Variants in LINGO2 observed in about 807,000 individuals in gnomAD.
The protein encoded by LINGO2 is leucine-rich repeat and immunoglobulin-like domain-containing nogo receptor-interacting protein 2.
A neutral mutation model predicts 30.6 loss-of-function variants in LINGO2; 14 were observed. That is an observed-to-expected ratio of 0.46 (90% CI 0.30 to 0.72). LINGO2 has a LOEUF of 0.72. Ranked by LOEUF, LINGO2 falls within the 30% of genes least tolerant of loss-of-function variation. The pLI is 0.07. For missense variants in LINGO2, 729 were observed against 751.7 expected (o/e 0.97, Z 0.35); for synonymous variants, 317 against 288.5 (o/e 1.10, Z -1.00).
chr9:29,021,512 C>T, the LINGO2 span, among the ~76,000 whole-genome samples: 559 of 152,032 alleles, frequency 3.7e-3, 2 homozygotes, highest in African/African-American at 0.013. Flanking sequence ...AAAAAAATGG[C>T]CAGACGTGGT....
chr9:29,036,860 A>C, the LINGO2 span, among the ~76,000 whole-genome samples: 1 of 152,042 alleles, frequency 6.6e-6, no homozygotes, highest in Non-Finnish European at 1.5e-5. Context: ...ATGAAACAAT[A>C]AAGGCTCATT....
chr9:29,074,912 G>C, the LINGO2 span, among the ~76,000 whole-genome samples: 39 of 151,590 alleles, frequency 2.6e-4, no homozygotes, highest in African/African-American at 8.9e-4. Flanking sequence ...TCCTGACCTC[G>C]TGATCCGCCC....
At chr9:28,769,502 ATATATATATATATATATTTTTT>A in the LINGO2 span, among the ~76,000 whole-genome samples, 1 of 4,590 alleles carries the variant, frequency 2.2e-4, no homozygotes, top group Admixed American at 2.3e-3. Context: ...ATATATATAT[ATATATATATATATATATTTTTT>A]TTTTTTTTTT....
chr9:29,105,822 A>G, the LINGO2 span, among the ~76,000 whole-genome samples: 36,220 of 152,086 alleles, frequency 0.24, 4,458 homozygotes, highest in East Asian at 0.41. Flanking sequence ...TCTAGGATCT[A>G]AGAGTGGTCC....
chr9:28,035,075 A>ACTGATG (rs1418900593), intron 4 of LINGO2, among the ~76,000 whole-genome samples: 1 of 152,222 alleles, frequency 6.6e-6, no homozygotes, highest in Non-Finnish European at 1.5e-5. Context: ...GGATATTCAA[A>ACTGATG]TACTTTCTAA....
chr9:28,571,761 T>C (rs1221129066), intron 1 of LINGO2, among the ~76,000 whole-genome samples: 2 of 152,106 alleles, frequency 1.3e-5, no homozygotes, highest in Admixed American at 6.6e-5. Flanking sequence ...TTTTTAACTG[T>C]CTATTTTTTA....
At chr9:28,025,363 G>A (rs914024392) in intron 4 of LINGO2, among the ~76,000 whole-genome samples, 2 of 152,090 alleles carry the variant, frequency 1.3e-5, no homozygotes, top group Non-Finnish European at 2.9e-5. Context: ...TGTGCATTTC[G>A]GCTTTTGGCC....
the LINGO2 span, among the ~76,000 whole-genome samples, chr9:29,074,794 A>C: frequency 1.4e-5 from 2 of 145,524 alleles, no homozygotes; most frequent in Admixed American, 1.4e-4. Context: ...CAGCCTCCCG[A>C]GTAGCTGGGA....
At chr9:28,898,255 A>C in the LINGO2 span, among the ~76,000 whole-genome samples, 1 of 152,226 alleles carries the variant, frequency 6.6e-6, no homozygotes, top group African/African-American at 2.4e-5. Context: ...TATGTATTAA[A>C]CAGAGAGTCT....
At chr9:29,112,604 A>C in the LINGO2 span, among the ~76,000 whole-genome samples, 1 of 152,292 alleles carries the variant, frequency 6.6e-6, no homozygotes, top group East Asian at 1.9e-4. Context: ...ATAATAAAAA[A>C]CTGCAAACTC....
intron 4 of LINGO2, among the ~76,000 whole-genome samples, chr9:28,256,817 T>A (rs1401580104): frequency 6.6e-6 from 1 of 151,904 alleles, no homozygotes; most frequent in Non-Finnish European, 1.5e-5. Context: ...CAAAGAAGTA[T>A]AAAAATAAAA....
chr9:29,074,084 T>C, the LINGO2 span, among the ~76,000 whole-genome samples: 12 of 152,164 alleles, frequency 7.9e-5, no homozygotes, highest in Non-Finnish European at 1.8e-4. Context: ...AAGTTATTAT[T>C]AATCAATTGT....
the LINGO2 span, chr9:28,863,774 G>A: frequency 2.5e-6 from 1 of 405,942 alleles, no homozygotes; most frequent in African/African-American, 2.0e-5. Context: ...AAAAGTTGAG[G>A]AAGTATTTCC....
intron 4 of LINGO2, among the ~76,000 whole-genome samples, chr9:28,154,499 C>A (rs931496298): frequency 6.6e-6 from 1 of 152,136 alleles, no homozygotes; most frequent in African/African-American, 2.4e-5. Context: ...AGGCACAGGA[C>A]AGATTGCATA....
chr9:29,154,366 C>T, the LINGO2 span, among the ~76,000 whole-genome samples: 1 of 149,102 alleles, frequency 6.7e-6, no homozygotes, highest in Non-Finnish European at 1.5e-5. Context: ...AGGAGAATGG[C>T]GTGAACCCGG....
the LINGO2 span, among the ~76,000 whole-genome samples, chr9:28,767,106 G>A: frequency 1.9e-4 from 29 of 151,262 alleles, no homozygotes; most frequent in African/African-American, 7.1e-4. Flanking sequence ...GTAATGGAGA[G>A]ACGTAGGTCA....
chr9:28,420,697 G>T (rs2150857), intron 2 of LINGO2, among the ~76,000 whole-genome samples: 5,553 of 152,056 alleles, frequency 0.037, 344 homozygotes, highest in African/African-American at 0.12. Context: ...TATTCAAAGA[G>T]AATAGGCATA....
chr9:28,083,272 C>T (rs1007201053), intron 4 of LINGO2, among the ~76,000 whole-genome samples: 6 of 152,156 alleles, frequency 3.9e-5, no homozygotes, highest in African/African-American at 1.2e-4. Context: ...CTGGCTTTGG[C>T]CCCAGCTCCC....
intron 4 of LINGO2, among the ~76,000 whole-genome samples, chr9:28,190,990 G>A (rs1290774862): frequency 6.6e-6 from 1 of 152,138 alleles, no homozygotes; most frequent in Non-Finnish European, 1.5e-5. Context: ...ACAATTATTT[G>A]CTCTTTGCCA....
Sources: allele counts gnomAD v4.1 joint callset (sites outside exome capture counted in the v4.1 genomes callset), GRCh38; gene constraint gnomAD v4.1.1; transcripts MANE v1.5; gene names NCBI Gene and HGNC (gene_info 2026-07-23, HGNC 2026-07-21).